MAPRE2: variants seen among roughly 807,000 people sequenced by gnomAD.
The protein encoded by MAPRE2 is microtubule-associated protein RP/EB family member 2.
MAPRE2 carries 13 observed loss-of-function variants against 43.2 expected under a neutral mutation model. The observed-to-expected ratio is 0.30, with a 90% confidence interval of 0.20 to 0.48. The LOEUF (loss-of-function observed/expected upper bound fraction) is 0.48, where lower values mean the gene tolerates loss of function less well. Ranked by LOEUF, MAPRE2 falls within the 20% of genes least tolerant of loss-of-function variation. The probability of loss-of-function intolerance (pLI) is 0.99; values close to 1 mark genes in which losing one functional copy is unlikely to be tolerated. For synonymous variants in MAPRE2, 135 were observed against 148.8 expected (o/e 0.91, Z 0.68); for missense variants, 161 against 400.2 (o/e 0.40, Z 5.10).
At chr18:35,118,330 C>G (rs1346610516) in intron 4 of MAPRE2, among the ~76,000 whole-genome samples, 1 of 152,190 alleles carries the variant, frequency 6.6e-6, no homozygotes, top group Non-Finnish European at 1.5e-5. Flanking sequence ...AACCGGCTGA[C>G]TCAGCTCTTG....
At chr18:34,994,000 T>C (rs1378909783) in intron 1 of MAPRE2, among the ~76,000 whole-genome samples, 3 of 151,436 alleles carry the variant, frequency 2.0e-5, no homozygotes, top group African/African-American at 7.3e-5. Context: ...TTCTTTTTTT[T>C]TTTTTTTTTT....
At chr18:34,978,694 A>C (rs1270326982) in intron 1 of MAPRE2, among the ~76,000 whole-genome samples, 6 of 152,156 alleles carry the variant, frequency 3.9e-5, no homozygotes, top group Admixed American at 2.0e-4. Flanking sequence ...CTTTTCTGCC[A>C]AACTGATTAA....
intron 2 of MAPRE2, chr18:35,082,332 A>G (rs1568996801): frequency 6.6e-6 from 1 of 151,772 alleles, no homozygotes; most frequent in Non-Finnish European, 1.5e-5. Context: ...TCTGAAAATT[A>G]GAACTTAAAA....
intron 1 of MAPRE2, among the ~76,000 whole-genome samples, chr18:34,999,442 A>C (rs769655687): frequency 2.6e-5 from 4 of 152,242 alleles, no homozygotes; most frequent in Admixed American, 6.5e-5. Context: ...ATTCACATGG[A>C]AAGTAGCAGA....
intron 2 of MAPRE2, among the ~76,000 whole-genome samples, chr18:35,005,971 G>A (rs903772295): frequency 2.6e-5 from 4 of 152,108 alleles, no homozygotes; most frequent in African/African-American, 7.2e-5. Context: ...GAGTGAGAGC[G>A]TGCGAGCGTG....
At chr18:35,138,022 C>T (rs989594902) in intron 6 of MAPRE2, among the ~76,000 whole-genome samples, 2 of 152,112 alleles carry the variant, frequency 1.3e-5, no homozygotes, top group African/African-American at 2.4e-5. Context: ...TCTTGTCCTG[C>T]GCTGGCCCAA....
intron 5 of MAPRE2, 90 bp downstream of exon 5, chr18:35,127,177 G>A (rs1381963226): frequency 7.3e-7 from 1 of 1,375,716 alleles, no homozygotes; most frequent in African/African-American, 1.4e-5. Flanking sequence ...GGGTAAGGGA[G>A]GGAAGGGTAA....
At position 35,070,303 on chromosome 18, in the gene MAPRE2, A is replaced by G. The variant is rs773728086; in HGVS notation, c.231A>G (p.Lys77=). The change falls in exon 2 of 7, where the codon AAA becomes AAG. Residue 77 remains lysine (K), a synonymous_variant. Transcript: ENST00000300249. ...VNDIVSLNYT[K]VEQLCSGAAY... is the part of the protein sequence containing the mutation. ...ACATAGTATCTTTAAACTACACAAAAGTGGAACAGCTTTGTTCAGGTAAGA... is the reference window on the plus strand; with the variant it reads ...ACATAGTATCTTTAAACTACACAAAGGTGGAACAGCTTTGTTCAGGTAAGA... 13 of 1,607,980 alleles carry G rather than the reference A, an allele frequency of 8.1e-6. No individual in the cohort carries two copies. Among genetic ancestry groups the G allele is most frequent in the Middle Eastern group, 1.6e-4 (1 of 6,074 alleles).
intron 4 of MAPRE2, among the ~76,000 whole-genome samples, chr18:35,114,039 G>A (rs1909298462): frequency 2.0e-5 from 3 of 152,310 alleles, no homozygotes; most frequent in Admixed American, 2.0e-4. Flanking sequence ...CTTTAAAGTT[G>A]AGGAAACTGA....
chr18:34,988,224 T>C (rs946138827), intron 1 of MAPRE2, among the ~76,000 whole-genome samples: 1 of 152,168 alleles, frequency 6.6e-6, no homozygotes, highest in Non-Finnish European at 1.5e-5. Context: ...CTTGTGAAAT[T>C]TAAAGTTTTT....
At chr18:35,021,067 G>A (rs1177886986) in intron 2 of MAPRE2, among the ~76,000 whole-genome samples, 1 of 152,116 alleles carries the variant, frequency 6.6e-6, no homozygotes, top group Non-Finnish European at 1.5e-5. Context: ...GACATTCCAG[G>A]CGAGAAATGA....
intron 2 of MAPRE2, among the ~76,000 whole-genome samples, chr18:35,089,351 A>G (rs1485479085): frequency 2.0e-5 from 3 of 152,246 alleles, no homozygotes; most frequent in Non-Finnish European, 4.4e-5. Context: ...AAATGATACC[A>G]TCAAGAAAGT....
At chr18:35,020,638 A>C (rs1259828929) in intron 2 of MAPRE2, among the ~76,000 whole-genome samples, 1 of 152,090 alleles carries the variant, frequency 6.6e-6, no homozygotes, top group Non-Finnish European at 1.5e-5. Context: ...ATTTCTGTAA[A>C]GGTGTCTTCG....
chr18:34,985,685 T>C (rs1227799689), intron 1 of MAPRE2, among the ~76,000 whole-genome samples: 54 of 112,170 alleles, frequency 4.8e-4, no homozygotes, highest in Admixed American at 1.1e-3. Flanking sequence ...AAATATATAT[T>C]ATATAATATG....
intron 2 of MAPRE2, among the ~76,000 whole-genome samples, chr18:35,089,693 A>G (rs962663586): frequency 1.3e-5 from 2 of 152,222 alleles, no homozygotes; most frequent in Middle Eastern, 3.2e-3. Flanking sequence ...TGCTGGTAGA[A>G]ATATAAAATA....
intron 1 of MAPRE2, among the ~76,000 whole-genome samples, chr18:34,981,881 TTA>T (rs1568959648): frequency 5.5e-4 from 19 of 34,298 alleles, no homozygotes; most frequent in East Asian, 9.6e-3. Flanking sequence ...TTTTTTATTT[TTA>T]TTTATTTTTT....
chr18:35,130,259 C>G (rs1910088403), intron 5 of MAPRE2, among the ~76,000 whole-genome samples: 1 of 152,132 alleles, frequency 6.6e-6, no homozygotes, highest in Non-Finnish European at 1.5e-5. Context: ...TGTTTTAAAG[C>G]AGGAAAGGAT....
At chr18:35,057,465 T>G (rs1052110709) in intron 1 of MAPRE2, among the ~76,000 whole-genome samples, 2 of 150,270 alleles carry the variant, frequency 1.3e-5, no homozygotes, top group Non-Finnish European at 3.0e-5. Flanking sequence ...TGTGACAAGG[T>G]AGTAGAGAAG....
chr18:35,037,690 G>T (rs1042963425), upstream of MAPRE2, among the ~76,000 whole-genome samples: 1 of 152,064 alleles, frequency 6.6e-6, no homozygotes, highest in Non-Finnish European at 1.5e-5. Flanking sequence ...GATGACCTGG[G>T]TAATTCTCCC....
Sources: allele counts gnomAD v4.1 joint callset (sites outside exome capture counted in the v4.1 genomes callset), GRCh38; gene constraint gnomAD v4.1.1; transcripts MANE v1.5; gene names NCBI Gene and HGNC (gene_info 2026-07-23, HGNC 2026-07-21).